Variants in TMEM114 observed in about 807,000 individuals in gnomAD.
TMEM114 encodes claudin-26.
TMEM114 carries 6 observed loss-of-function variants against 6.2 expected under a neutral mutation model. That is an observed-to-expected ratio of 0.97 (90% CI 0.53 to 1.91). The LOEUF is 1.91. TMEM114 is among the 40% of genes most tolerant of loss of function. The probability of loss-of-function intolerance (pLI) is 0.01; values close to 1 mark genes in which losing one functional copy is unlikely to be tolerated. For synonymous variants in TMEM114, 104 were observed against 73.0 expected (o/e 1.42, Z -2.16); for missense variants, 218 against 158.3 (o/e 1.38, Z -2.02).
intron 2 of TMEM114, among the ~76,000 whole-genome samples, chr16:8,580,256 G>A (rs775822755): frequency 6.6e-6 from 1 of 152,126 alleles, no homozygotes; most frequent in African/African-American, 2.4e-5. Context: ...GGAGGCCAAG[G>A]CAGGCAGATC....
chr16:8,542,564 G>T (rs536423472), intron 2 of TMEM114, among the ~76,000 whole-genome samples: 2 of 152,280 alleles, frequency 1.3e-5, no homozygotes, highest in African/African-American at 4.8e-5. Flanking sequence ...GCAGGGAGTG[G>T]TTGGAAATGC....
chr16:8,576,193 GT>G (rs1901921993), intron 2 of TMEM114, among the ~76,000 whole-genome samples: 1 of 152,184 alleles, frequency 6.6e-6, no homozygotes, highest in African/African-American at 2.4e-5. Flanking sequence ...TCATATGACT[GT>G]CCCTGCTTTC....
At chr16:8,570,697 C>T (rs1402122215) in intron 3 of TMEM114, among the ~76,000 whole-genome samples, 1 of 152,160 alleles carries the variant, frequency 6.6e-6, no homozygotes, top group Non-Finnish European at 1.5e-5. Flanking sequence ...GTTGGTTTTG[C>T]TCATTTTCAA....
chr16:8,553,247 T>C (rs1900901912), intron 2 of TMEM114, among the ~76,000 whole-genome samples: 1 of 152,200 alleles, frequency 6.6e-6, no homozygotes, highest in Admixed American at 6.5e-5. Flanking sequence ...ACCTGTGATT[T>C]AATGGGCATT....
At chr16:8,531,516 A>C in the TMEM114 span, among the ~76,000 whole-genome samples, 1 of 152,204 alleles carries the variant, frequency 6.6e-6, no homozygotes, top group African/African-American at 2.4e-5. Flanking sequence ...TGGGCACTGA[A>C]GGATTCTGCC....
intron 2 of TMEM114, among the ~76,000 whole-genome samples, chr16:8,575,406 T>C (rs894367024): frequency 1.3e-5 from 2 of 152,252 alleles, no homozygotes; most frequent in African/African-American, 4.8e-5. Flanking sequence ...ACCCGTATGA[T>C]TGACCATCCA....
At position 8,569,828 on chromosome 16, in the gene TMEM114, A is replaced by C; in HGVS notation, c.617T>G (p.Phe206Cys). ...FIAELLTGAA[F>C]LAAARELSLR... ...GCTGAGCTCGCGGGCTGCTGCCAGG[A>C]AGGCTGCCCCGGTGAGCAGCTCGGC... is the stretch of plus-strand genomic sequence containing the variant. Residue 206 changes from phenylalanine to cysteine, a missense_variant, in exon 4 of 4, where the codon TTC becomes TGC. Transcript: ENST00000620492. 1.9e-6 allele frequency: 3 copies of C among 1,550,960 alleles called. No individual in the cohort carries two copies. Among genetic ancestry groups the C allele is most frequent in the Non-Finnish European group, 2.6e-6 (3 of 1,146,940 alleles).
intron 2 of TMEM114, among the ~76,000 whole-genome samples, chr16:8,555,254 C>G (rs1900971905): frequency 6.6e-6 from 1 of 152,216 alleles, no homozygotes; most frequent in Non-Finnish European, 1.5e-5. Flanking sequence ...GGAAGGAATT[C>G]AAGAGCAAGC....
intron 2 of TMEM114, among the ~76,000 whole-genome samples, chr16:8,551,795 A>T (rs28647648): frequency 0.28 from 42,904 of 152,050 alleles, 6,262 homozygotes; most frequent in East Asian, 0.37. Flanking sequence ...TCATGTACCA[A>T]ATGTAAAACC....
chr16:8,563,013 T>C, intron 2 of TMEM114, among the ~76,000 whole-genome samples: 1 of 127,994 alleles, frequency 7.8e-6, no homozygotes, highest in Non-Finnish European at 1.7e-5. Context: ...AGTGAATGAA[T>C]GAGTGAGTGA....
chr16:8,562,970 G>C (rs1448018264), intron 2 of TMEM114, among the ~76,000 whole-genome samples: 5 of 92,324 alleles, frequency 5.4e-5, no homozygotes, highest in Admixed American at 1.1e-4. Flanking sequence ...ATGAGTGAGA[G>C]AGTGATGGAG....
intron 2 of TMEM114, among the ~76,000 whole-genome samples, chr16:8,543,605 C>T (rs998868849): frequency 1.3e-5 from 2 of 152,090 alleles, no homozygotes; most frequent in African/African-American, 4.8e-5. Context: ...GCTCAGATGT[C>T]ATCTCCTCTC....
chr16:8,529,455 T>C, the TMEM114 span, among the ~76,000 whole-genome samples: 1 of 152,148 alleles, frequency 6.6e-6, no homozygotes, highest in Non-Finnish European at 1.5e-5. Context: ...TTGAAGAGAA[T>C]TGAATATCAC....
intron 2 of TMEM114, among the ~76,000 whole-genome samples, chr16:8,543,173 G>C (rs1900564264): frequency 6.6e-6 from 1 of 152,230 alleles, no homozygotes; most frequent in Admixed American, 6.5e-5. Context: ...GGATCAGACA[G>C]ACTGACTACA....
downstream of TMEM114, among the ~76,000 whole-genome samples, chr16:8,535,837 C>G (rs1005312642): frequency 2.0e-5 from 3 of 152,196 alleles, no homozygotes; most frequent in South Asian, 2.1e-4. Context: ...CTGAGAATCA[C>G]AATACCCATG....
downstream of TMEM114, among the ~76,000 whole-genome samples, chr16:8,566,221 T>A (rs993469105): frequency 2.7e-4 from 41 of 152,050 alleles, no homozygotes; most frequent in African/African-American, 8.7e-4. Context: ...ATACAAAAAA[T>A]TAGCCAGGCA....
intron 2 of TMEM114, among the ~76,000 whole-genome samples, chr16:8,563,901 A>ATGAGTGAGTGAGGGAATGAG (rs1901400810): frequency 7.5e-6 from 1 of 134,122 alleles, no homozygotes; most frequent in Non-Finnish European, 1.6e-5. Flanking sequence ...GAGTGAATGA[A>ATGAGTGAGTGAGGGAATGAG]TGAGTGAGTG....
intron 2 of TMEM114, among the ~76,000 whole-genome samples, chr16:8,541,024 T>C (rs1352442292): frequency 6.6e-6 from 1 of 151,500 alleles, no homozygotes; most frequent in Non-Finnish European, 1.5e-5. Flanking sequence ...CAACGGGGAG[T>C]GTAGAGTGAG....
intron 1 of TMEM114, 119 bp from the exon 2 acceptor site, chr16:8,589,412 G>C: frequency 2.5e-6 from 1 of 398,366 alleles, no homozygotes; most frequent in Non-Finnish European, 4.4e-6. Flanking sequence ...CGCGGGGAGA[G>C]CTAGAGCAGT....
Sources: allele counts gnomAD v4.1 joint callset (sites outside exome capture counted in the v4.1 genomes callset), GRCh38; gene constraint gnomAD v4.1.1; transcripts MANE v1.5; gene names NCBI Gene and HGNC (gene_info 2026-07-23, HGNC 2026-07-21).